Variants in DCDC2C observed in about 807,000 individuals in gnomAD.
DCDC2C encodes doublecortin domain-containing protein 2C.
Under a neutral mutation model 45.0 loss-of-function variants are expected in DCDC2C, and 44 were observed. The observed-to-expected ratio is 0.98, with a 90% CI of 0.77 to 1.26. The LOEUF (loss-of-function observed/expected upper bound fraction) is 1.26, where lower values mean the gene tolerates loss of function less well. Among genes scored for constraint, DCDC2C ranks in the 50% most tolerant of loss-of-function variants. The pLI, the probability that DCDC2C is intolerant of heterozygous loss-of-function variation, is 0.00. For missense variants in DCDC2C, 447 were observed against 468.9 expected, an observed-to-expected ratio of 0.95 and a Z score of 0.43; for synonymous variants, 187 against 178.8, an observed-to-expected ratio of 1.05 and a Z score of -0.37.
intron 2 of DCDC2C, among the ~76,000 whole-genome samples, chr2:3,719,117 G>A (rs535909623): frequency 1.5e-4 from 22 of 151,432 alleles, no homozygotes; most frequent in South Asian, 4.2e-4. Context: ...ATGGAGTCTC[G>A]CTCTGTCGCC....
intron 4 of DCDC2C, among the ~76,000 whole-genome samples, chr2:3,744,795 C>T (rs889736249): frequency 3.9e-5 from 6 of 152,296 alleles, no homozygotes; most frequent in South Asian, 2.1e-4. Context: ...TGAGTAACCT[C>T]GTGGCAGTGG....
chr2:3,777,014 G>A (rs1420452039), intron 8 of DCDC2C, among the ~76,000 whole-genome samples: 1 of 152,118 alleles, frequency 6.6e-6, no homozygotes, highest in African/African-American at 2.4e-5. Flanking sequence ...CTCTGCCTGT[G>A]TTACCATCTC....
In DCDC2C at chr2:3,800,644, G is replaced by A. The variant is rs550847782; in HGVS notation, c.1065+15544G>A. ...TGAGATAATCGTGTGGCTTCAATGC[G>A]CACCAGAAGTGCTTCATGAGTTCTT... On this transcript the variant is annotated intron_variant, in intron 10 of 10. Transcript: ENST00000399143. 8.4e-4 allele frequency among the ~76,000 whole-genome samples: 104 copies of A among 124,162 alleles called. 4 individuals carry two copies. The highest frequency in any genetic ancestry group is 2.5e-3 in the African/African-American group (99 of 39,638). The allele number at this position is 124,162 out of a possible 152,430, so 81.5% of individuals were successfully genotyped here. A position where few individuals can be genotyped will look rare whatever the true frequency, so the allele number is the denominator to read the frequency against.
chr2:3,737,869 G>T (rs1289688197), intron 3 of DCDC2C, among the ~76,000 whole-genome samples: 1 of 152,110 alleles, frequency 6.6e-6, no homozygotes, highest in Non-Finnish European at 1.5e-5. Flanking sequence ...TGTTTAAAAT[G>T]TTTTATTTTC....
chr2:3,743,354 A>C (rs1483478607), intron 4 of DCDC2C, among the ~76,000 whole-genome samples: 1 of 152,190 alleles, frequency 6.6e-6, no homozygotes, highest in East Asian at 1.9e-4. Context: ...CATCATCCAG[A>C]CAGAAAGTCA....
Position 3,769,339 on chromosome 2 carries a change from T to C in DCDC2C, c.882T>C (p.Pro294=). ...AEGDVYKAPT[P]SKETQGALDV... ...GTGACGTGTATAAAGCACCGACTCC[T>C]AGCAAGGAAACCCAAGGGGCGCTGG... Residue 294 remains proline, a synonymous_variant, in exon 8 of 11, where the codon CCT becomes CCC. Transcript: ENST00000399143. The C allele has an allele frequency of 6.4e-7, 1 of 1,550,540 alleles. No individual in the cohort carries two copies. The highest frequency in any genetic ancestry group is 8.7e-7 in the Non-Finnish European group (1 of 1,146,950).
intron 3 of DCDC2C, among the ~76,000 whole-genome samples, 179 bp from the exon 4 acceptor site, chr2:3,741,741 G>C (rs562388291): frequency 1.1e-4 from 16 of 151,534 alleles, no homozygotes; most frequent in African/African-American, 2.9e-4. Flanking sequence ...CTGTCACCAG[G>C]CTCTGTGACA....
chr2:3,717,625 C>T (rs918965457), intron 2 of DCDC2C, among the ~76,000 whole-genome samples: 6 of 152,282 alleles, frequency 3.9e-5, no homozygotes, highest in Middle Eastern at 3.4e-3. Context: ...CATGTGATCA[C>T]GTCACTTCCC....
At chr2:3,813,056 TA>T (rs1558238648) in intron 10 of DCDC2C, among the ~76,000 whole-genome samples, 3,269 of 100,372 alleles carry the variant, frequency 0.033, 107 homozygotes, top group African/African-American at 0.061. Flanking sequence ...TATATATATA[TA>T]TATATATATA....
intron 6 of DCDC2C, 39 bp from the exon 7 acceptor site, chr2:3,767,715 T>C (rs148774249): frequency 6.5e-6 from 10 of 1,547,970 alleles, no homozygotes; most frequent in African/African-American, 1.4e-5. Context: ...TGTATCCCAC[T>C]GTTCTTAATG....
chr2:3,830,511 A>G (rs1161257281), intron 10 of DCDC2C, among the ~76,000 whole-genome samples: 4 of 152,216 alleles, frequency 2.6e-5, no homozygotes, highest in Non-Finnish European at 5.9e-5. Flanking sequence ...AGATGAGGCC[A>G]AGGAATTAGA....
intron 4 of DCDC2C, among the ~76,000 whole-genome samples, chr2:3,745,187 T>C (rs962196424): frequency 6.6e-6 from 1 of 152,194 alleles, no homozygotes; most frequent in Non-Finnish European, 1.5e-5. Flanking sequence ...GTTTTTGCCA[T>C]GTTGGCCAGG....
intron 10 of DCDC2C, among the ~76,000 whole-genome samples, chr2:3,837,507 G>A (rs1572651755): frequency 6.6e-6 from 1 of 152,258 alleles, no homozygotes; most frequent in Non-Finnish European, 1.5e-5. Flanking sequence ...GGTGCACATG[G>A]TCAAGGCTAG....
rs1290989373 is a variant in DCDC2C at position 3,761,783 on chromosome 2, A to G, written c.727-5971A>G. On this transcript the variant is annotated intron_variant, in intron 6 of 10. Coordinates refer to ENST00000399143, the MANE Select transcript of DCDC2C (RefSeq NM_001287444.2). This position sits in a 1 kb window ranked among gnomAD's most constrained non-coding sequence, Gnocchi z 4.3. Reference sequence around the variant, plus strand: ...TGAAATAGGTTGTTACTGTCCTTCAATTAGACAAACTGGCTCATCCCAAGT... The same window carrying G: ...TGAAATAGGTTGTTACTGTCCTTCAGTTAGACAAACTGGCTCATCCCAAGT... Among the ~76,000 whole-genome samples the G allele has an allele frequency of 1.3e-5, 2 of 152,300 alleles. No homozygotes were observed. Among genetic ancestry groups the G allele is most frequent in the East Asian group, 3.9e-4 (2 of 5,188 alleles).
At chr2:3,755,657 A>G (rs1008917561) in intron 6 of DCDC2C, among the ~76,000 whole-genome samples, 4 of 152,056 alleles carry the variant, frequency 2.6e-5, no homozygotes, top group South Asian at 2.1e-4. Context: ...GTGTGTGTAC[A>G]TATGGATGCA....
intron 10 of DCDC2C, among the ~76,000 whole-genome samples, chr2:3,827,948 C>A (rs1299360720): frequency 6.6e-6 from 1 of 152,176 alleles, no homozygotes; most frequent in African/African-American, 2.4e-5. Context: ...GGATGCTCTT[C>A]AGGTGACAAT....
chr2:3,722,123 C>T lies in DCDC2C; in HGVS notation c.340-4880C>T, dbSNP rs1668519321. Among the ~76,000 whole-genome samples the T allele has an allele frequency of 2.0e-5, 3 of 152,316 alleles. No individual in the cohort carries two copies. In the South Asian group the frequency reaches 6.2e-4, roughly 32 times the overall value. Reference sequence around the variant, plus strand: ...ATGAGGTGTGCACTACTGCTATTAGCATTGCATGCAGGAGGCAGCTGAGGC... The same window carrying T: ...ATGAGGTGTGCACTACTGCTATTAGTATTGCATGCAGGAGGCAGCTGAGGC... On this transcript the variant is annotated intron_variant, in intron 2 of 10. Transcript: ENST00000399143.
At chr2:3,826,067 T>C (rs1394804481) in intron 10 of DCDC2C, among the ~76,000 whole-genome samples, 26 of 152,150 alleles carry the variant, frequency 1.7e-4, no homozygotes, top group Admixed American at 1.7e-3. Context: ...AAAAAAGATA[T>C]GTCAAAGAAA....
chr2:3,792,218 G>A (rs1166341757), intron 10 of DCDC2C, among the ~76,000 whole-genome samples: 3 of 152,170 alleles, frequency 2.0e-5, no homozygotes, highest in Non-Finnish European at 2.9e-5. Flanking sequence ...GCCTTGTAAC[G>A]CCTAAGCAGC....
Sources: allele counts gnomAD v4.1 joint callset (sites outside exome capture counted in the v4.1 genomes callset), GRCh38; gene constraint gnomAD v4.1.1; non-coding constraint Gnocchi (gnomAD v3.1); transcripts MANE v1.5; gene names NCBI Gene and HGNC (gene_info 2026-07-23, HGNC 2026-07-21).